Variants in DSC2 observed in about 807,000 individuals in gnomAD.
DSC2 encodes desmocollin 2, also known as desmocollin-2.
DSC2 carries 51 observed loss-of-function variants against 87.6 expected under a neutral mutation model. The ratio of observed to expected loss-of-function variants is 0.58; its 90% CI spans 0.46 to 0.74. DSC2 has a LOEUF of 0.74. Among genes scored for constraint, DSC2 ranks in the 30% least tolerant of loss-of-function variants. DSC2 has a pLI of 0.00. For missense variants in DSC2, 1,066 were observed against 1,089.5 expected, an observed-to-expected ratio of 0.98 and a Z score of 0.30; for synonymous variants, 383 against 393.2, an observed-to-expected ratio of 0.97 and a Z score of 0.31.
At chr18:31,098,109 T>C (rs949028022) in intron 1 of DSC2, among the ~76,000 whole-genome samples, 1 of 152,162 alleles carries the variant, frequency 6.6e-6, no homozygotes, top group African/African-American at 2.4e-5. Context: ...TTTGGTTGGT[T>C]AGAGGTGTTT....
At chr18:31,080,897 G>A (rs779715560) in intron 9 of DSC2, among the ~76,000 whole-genome samples, 1 of 151,992 alleles carries the variant, frequency 6.6e-6, no homozygotes, top group Admixed American at 6.6e-5. Flanking sequence ...GGTGGAGACA[G>A]AGGAGTTCTC....
chr18:31,085,273 G>A (rs1987358875), intron 7 of DSC2, among the ~76,000 whole-genome samples: 1 of 151,956 alleles, frequency 6.6e-6, no homozygotes, highest in Non-Finnish European at 1.5e-5. Context: ...AAGGAGATAT[G>A]AGAATCCACC....
chr18:31,090,994 T>C (rs368387147), intron 4 of DSC2, 34 bp downstream of exon 4: 47 of 1,613,602 alleles, frequency 2.9e-5, no homozygotes, highest in East Asian at 4.5e-5. Flanking sequence ...ATGGAAACTA[T>C]AGACTCCCAC....
intron 1 of DSC2, among the ~76,000 whole-genome samples, 178 bp from the exon 2 acceptor site, chr18:31,093,821 A>C (rs1167225884): frequency 6.7e-6 from 1 of 149,282 alleles, no homozygotes; most frequent in African/African-American, 2.4e-5. Context: ...TAAAATATTT[A>C]ATTAAATATA....
intron 1 of DSC2, among the ~76,000 whole-genome samples, chr18:31,094,101 C>T (rs923461177): frequency 4.6e-5 from 7 of 152,126 alleles, no homozygotes; most frequent in Non-Finnish European, 7.4e-5. Context: ...GGTACAGTGA[C>T]GATCCAACAA....
Position 31,069,023 on chromosome 18 carries a change from G to T in DSC2, c.2379C>A (p.Thr793=), listed in dbSNP as rs773813155. The T allele has an allele frequency of 2.0e-5, 33 of 1,613,878 alleles. No individual in the cohort carries two copies. The Admixed American group carries it at 5.0e-4, about 24-fold the overall frequency. The change falls in exon 15 of 16, where the codon ACC becomes ACA. Residue 793 remains threonine, a synonymous_variant. Transcript: ENST00000280904. ...TIEMVKGGHQ[T]SESCRGAGHH... ...GGCCAGCCCCCCGGCAGGATTCCGA[G>T]GTCTGGTGTCCTCCTTTCACCATTT...
intron 8 of DSC2, 56 bp from the exon 9 acceptor site, chr18:31,082,479 C>T (rs1055771276): frequency 6.8e-6 from 10 of 1,471,740 alleles, no homozygotes; most frequent in Middle Eastern, 1.9e-4. Context: ...AAAAATTGAA[C>T]ACGATGTGAA....
In DSC2 at chr18:31,058,895, G is replaced by A. The variant is rs1046064644; in HGVS notation, c.*9120C>T. The stretch of plus-strand genomic sequence containing the variant: ...CCGTGAACATATTATATCACTTCTG[G>A]GACTACATATTTTTGAGAGCAGAGG... On this transcript the variant is annotated 3_prime_UTR_variant, in exon 16 of 16. Coordinates refer to ENST00000280904, the MANE Select transcript of DSC2 (RefSeq NM_024422.6). The A allele has an allele frequency of 2.0e-5, 3 of 151,868 alleles. No homozygotes were observed. Among genetic ancestry groups the A allele is most frequent in the Non-Finnish European group, 1.5e-5 (1 of 67,992 alleles). The allele number at this position is 151,868 out of a possible 1,614,324, so 9.4% of individuals were successfully genotyped here.
Position 31,067,788 on chromosome 18 carries a change from C to T in DSC2, c.*227G>A. 2 of 497,266 alleles carry T rather than the reference C, an allele frequency of 4.0e-6. No individual in the cohort carries two copies. Among genetic ancestry groups the T allele is most frequent in the Non-Finnish European group, 3.6e-6 (1 of 278,372 alleles). The allele number at this position is 497,266 out of a possible 1,614,324, so 30.8% of individuals were successfully genotyped here. Reference sequence around the variant, plus strand: ...AGGCAGACTTTAATTTCTCTGTAGACCTCCTTGGATAGAAGATAAGTAATT... The same window carrying T: ...AGGCAGACTTTAATTTCTCTGTAGATCTCCTTGGATAGAAGATAAGTAATT... On this transcript the variant is annotated 3_prime_UTR_variant, in exon 16 of 16. Coordinates refer to ENST00000280904, the MANE Select transcript of DSC2 (RefSeq NM_024422.6).
At chr18:31,074,077 T>C (rs543965635) in intron 12 of DSC2, among the ~76,000 whole-genome samples, 1 of 152,226 alleles carries the variant, frequency 6.6e-6, no homozygotes, top group African/African-American at 2.4e-5. Context: ...TAAGAGAGAA[T>C]AGGGGATCGA....
intron 5 of DSC2, 148 bp downstream of exon 5, chr18:31,089,291 T>C: frequency 2.7e-6 from 2 of 736,342 alleles, no homozygotes; most frequent in East Asian, 5.5e-5. Context: ...AAATATTTTT[T>C]GTTTCAAGTC....
chr18:31,063,310 G>A lies in DSC2; in HGVS notation c.*4705C>T, dbSNP rs545594703. ...CATGCCACTGCACTCCAGCCTAGGTGACAGAGTGAGATTCCGTCTCAAAAA... is the reference window on the plus strand; with the variant it reads ...CATGCCACTGCACTCCAGCCTAGGTAACAGAGTGAGATTCCGTCTCAAAAA... On this transcript the variant is annotated 3_prime_UTR_variant, in exon 16 of 16. Transcript: ENST00000280904. 1 of 144,388 alleles carries A rather than the reference G, an allele frequency of 6.9e-6. No homozygotes were observed. The highest frequency in any genetic ancestry group is 2.0e-4 in the East Asian group (1 of 4,886). The allele number at this position is 144,388 out of a possible 1,614,324, so 8.9% of individuals were successfully genotyped here.
intron 4 of DSC2, 64 bp downstream of exon 4, chr18:31,090,964 C>T: frequency 6.2e-7 from 1 of 1,602,716 alleles, no homozygotes; most frequent in South Asian, 1.1e-5. Flanking sequence ...ACTTCATACT[C>T]AGTGTCATAA....
chr18:31,080,736 A>G (rs1245982061), intron 9 of DSC2, among the ~76,000 whole-genome samples: 2 of 152,324 alleles, frequency 1.3e-5, no homozygotes, highest in Middle Eastern at 3.4e-3. Flanking sequence ...CGCCATGATT[A>G]TAAGTTTCCT....
At position 31,079,893 on chromosome 18, in the gene DSC2, G is replaced by T; in HGVS notation, c.1617C>A (p.Thr539=). ...VFRSLDREAE[T]IKNGIYNITV... is the part of the protein sequence containing the mutation. ...TAATATTATATATGCCATTTTTGAT[G>T]GTCTCTGCCTCTCTATCCAGGCTTC... Residue 539 remains threonine, a synonymous_variant, in exon 11 of 16, where the codon ACC becomes ACA. Transcript: ENST00000280904. 6.2e-7 allele frequency: 1 copy of T among 1,613,760 alleles called. No individual in the cohort carries two copies. The highest frequency in any genetic ancestry group is 8.5e-7 in the Non-Finnish European group (1 of 1,179,924).
At position 31,069,010 on chromosome 18, in the gene DSC2, GGC is replaced by G; in HGVS notation, c.2390_2391del (p.Cys797SerfsTer39). On this transcript the variant is annotated frameshift_variant, in exon 15 of 16. Coordinates refer to ENST00000280904, the MANE Select transcript of DSC2 (RefSeq NM_024422.6). LOFTEE classifies it high-confidence loss of function. Reference sequence around the variant, plus strand: ...AGGGTGTGATGGTGGCCAGCCCCCCGGCAGGATTCCGAGGTCTGGTGTCCTCC... The same window carrying G: ...AGGGTGTGATGGTGGCCAGCCCCCCGAGGATTCCGAGGTCTGGTGTCCTCC... ...VKGGHQTSESCRGAGHHHTLD... is the reference protein window; with the variant it reads ...VKGGHQTSESXRGAGHHHTLD... The G allele has an allele frequency of 6.2e-7, 1 of 1,613,974 alleles. No homozygotes were observed. Among genetic ancestry groups the G allele is most frequent in the Non-Finnish European group, 8.5e-7 (1 of 1,179,978 alleles).
intron 9 of DSC2, among the ~76,000 whole-genome samples, chr18:31,081,619 C>T (rs1047142257): frequency 2.0e-5 from 3 of 152,112 alleles, no homozygotes; most frequent in South Asian, 2.1e-4. Flanking sequence ...GGCATAGACC[C>T]ACTGTAAAAC....
chr18:31,095,387 A>G (rs1188079790), intron 1 of DSC2, among the ~76,000 whole-genome samples: 1 of 152,188 alleles, frequency 6.6e-6, no homozygotes, highest in Non-Finnish European at 1.5e-5. Flanking sequence ...GAGTGCAAAG[A>G]GAAGCAACAG....
chr18:31,072,313 A>G (rs1567973472), intron 12 of DSC2, among the ~76,000 whole-genome samples: 1 of 152,230 alleles, frequency 6.6e-6, no homozygotes, highest in Non-Finnish European at 1.5e-5. Context: ...TTACTGTCAG[A>G]GACTAATTCT....
Sources: gnomAD v4.1 joint callset for allele counts (sites outside exome capture counted in the v4.1 genomes callset) on GRCh38, gnomAD v4.1.1 for gene constraint, MANE v1.5 for transcripts, NCBI Gene and HGNC (gene_info 2026-07-23, HGNC 2026-07-21) for gene names.